ADGRF5: variants seen among roughly 807,000 people sequenced by gnomAD.
ADGRF5 encodes adhesion G protein-coupled receptor F5.
A neutral mutation model predicts 132.3 loss-of-function variants in ADGRF5; 75 were observed. The ratio of observed to expected loss-of-function variants is 0.57; its 90% CI spans 0.47 to 0.69. ADGRF5 has a LOEUF of 0.69. Ranked by LOEUF, ADGRF5 falls within the 30% of genes least tolerant of loss-of-function variation. The pLI, the probability that ADGRF5 is intolerant of heterozygous loss-of-function variation, is 0.00. For missense variants in ADGRF5, 1,516 were observed against 1,630.6 expected (o/e 0.93, Z 1.21); for synonymous variants, 629 against 597.6 (o/e 1.05, Z -0.77).
chr6:46,918,382 G>T (rs1281725536), intron 1 of ADGRF5, among the ~76,000 whole-genome samples: 9 of 152,130 alleles, frequency 5.9e-5, no homozygotes, highest in Non-Finnish European at 7.3e-5. Flanking sequence ...AATGTCAGTG[G>T]GGAAAAGGCT....
At chr6:46,947,574 T>C (rs1778345592) in intron 1 of ADGRF5, among the ~76,000 whole-genome samples, 1 of 152,134 alleles carries the variant, frequency 6.6e-6, no homozygotes, top group Admixed American at 6.5e-5. Context: ...GTGGGCAGGA[T>C]AAAGGGTTAA....
chr6:46,853,984 T>A lies in ADGRF5; in HGVS notation c.*8A>T, dbSNP rs376634437. 7.5e-5 allele frequency: 119 copies of A among 1,592,672 alleles called. No homozygotes were observed. Among genetic ancestry groups the A allele is most frequent in the Admixed American group, 1.0e-4 (6 of 58,836 alleles). ...CCGGGAGGTCACGTAGGTTGGATTA[T>A]CCTGTTCTTAGTTGAGCAACGAAGA... On this transcript the variant is annotated 3_prime_UTR_variant, in exon 21 of 21. Transcript: ENST00000283296.
At chr6:46,899,915 T>G in intron 3 of ADGRF5, 114 bp downstream of exon 3, 2 of 758,946 alleles carry the variant, frequency 2.6e-6, no homozygotes, top group Non-Finnish European at 4.8e-6. Context: ...CTGCACTATA[T>G]GACCCTGATG....
chr6:46,952,710 A>G (rs777409674), intron 1 of ADGRF5, among the ~76,000 whole-genome samples: 14 of 152,244 alleles, frequency 9.2e-5, no homozygotes, highest in Non-Finnish European at 2.1e-4. Context: ...TCATTCATTC[A>G]TTCATTTAAC....
intron 1 of ADGRF5, among the ~76,000 whole-genome samples, chr6:46,940,585 G>T (rs940230527): frequency 6.6e-6 from 1 of 152,172 alleles, no homozygotes; most frequent in African/African-American, 2.4e-5. Flanking sequence ...TAAAGACTCA[G>T]ATTCAGACCA....
Position 46,878,184 on chromosome 6 carries a change from C to T in ADGRF5, c.1240+18G>A. On this transcript the variant is annotated intron_variant, in intron 10 of 20. Coordinates refer to ENST00000283296, the MANE Select transcript of ADGRF5 (RefSeq NM_001098518.2). ...AGGCAAAAACCTATTTGCAAAAGGGCTTATCTAACATTCTCACCTGGAATA... is the reference window on the plus strand; with the variant it reads ...AGGCAAAAACCTATTTGCAAAAGGGTTTATCTAACATTCTCACCTGGAATA... 6.4e-7 allele frequency: 1 copy of T among 1,558,682 alleles called. No homozygotes were observed. Among genetic ancestry groups the T allele is most frequent in the Non-Finnish European group, 8.9e-7 (1 of 1,129,344 alleles).
chr6:46,906,606 A>T, intron 2 of ADGRF5, 55 bp downstream of exon 2: 1 of 926,050 alleles, frequency 1.1e-6, no homozygotes, highest in Non-Finnish European at 1.7e-6. Context: ...ATTGTCAGTC[A>T]GGAAATCAGA....
chr6:46,893,629 C>G (rs1037992261), intron 3 of ADGRF5, among the ~76,000 whole-genome samples: 20 of 152,166 alleles, frequency 1.3e-4, no homozygotes, highest in Non-Finnish European at 2.9e-4. Flanking sequence ...TCCTCAACTT[C>G]TGTGTGTGTG....
intron 1 of ADGRF5, among the ~76,000 whole-genome samples, chr6:46,950,748 C>T (rs908268539): frequency 2.0e-5 from 3 of 152,156 alleles, no homozygotes; most frequent in Non-Finnish European, 2.9e-5. Context: ...CTCTTGACTT[C>T]GTGATCCGCT....
rs369596610 is a variant in ADGRF5 at position 46,882,073 on chromosome 6, T to C, written c.647A>G (p.Lys216Arg). The C allele has an allele frequency of 2.0e-5, 32 of 1,611,448 alleles. No homozygotes were observed. The highest frequency in any genetic ancestry group is 1.6e-4 in the Middle Eastern group (1 of 6,078). ...CTTGAACCCTGTCACAGTCACGCCCTTGAAGCCTGGTAAAATTCCGTAACC... is the reference window on the plus strand; with the variant it reads ...CTTGAACCCTGTCACAGTCACGCCCCTGAAGCCTGGTAAAATTCCGTAACC... Reference protein sequence around the residue: ...RKGYGILPGFKGVTVTGFKSG... With the variant: ...RKGYGILPGFRGVTVTGFKSG... Residue 216 changes from lysine (K) to arginine (R), a missense_variant, in exon 7 of 21, where the codon AAG (lysine) becomes AGG (arginine). Coordinates refer to ENST00000283296, the MANE Select transcript of ADGRF5 (RefSeq NM_001098518.2).
intron 4 of ADGRF5, chr6:46,886,814 C>T (rs558923082): frequency 6.6e-6 from 1 of 152,336 alleles, no homozygotes; most frequent in East Asian, 1.9e-4. Context: ...TAGCTGTTCC[C>T]TGCTGGTCCT....
upstream of ADGRF5, among the ~76,000 whole-genome samples, chr6:46,926,570 G>T (rs549895840): frequency 6.6e-6 from 1 of 152,224 alleles, no homozygotes; most frequent in South Asian, 2.1e-4. Flanking sequence ...TCCTCGGGGA[G>T]CGCTGACCAC....
At chr6:46,916,334 C>T (rs1000960743) in intron 1 of ADGRF5, among the ~76,000 whole-genome samples, 10 of 152,158 alleles carry the variant, frequency 6.6e-5, no homozygotes, top group African/African-American at 2.2e-4. Flanking sequence ...GTCTCCTGTC[C>T]CACTGCTCTC....
intron 1 of ADGRF5, among the ~76,000 whole-genome samples, chr6:46,931,596 G>T (rs1349023428): frequency 6.6e-6 from 1 of 152,148 alleles, no homozygotes; most frequent in Non-Finnish European, 1.5e-5. Flanking sequence ...CCTCCTCTCG[G>T]TCTCCTTAAG....
At chr6:46,871,650 A>G (rs529540818) in intron 11 of ADGRF5, among the ~76,000 whole-genome samples, 193 bp downstream of exon 11, 1 of 152,250 alleles carries the variant, frequency 6.6e-6, no homozygotes, top group African/African-American at 2.4e-5. Flanking sequence ...CCCAATTGTT[A>G]AAAGACTCCC....
At chr6:46,936,386 C>T (rs762805228) in intron 1 of ADGRF5, among the ~76,000 whole-genome samples, 1 of 152,170 alleles carries the variant, frequency 6.6e-6, no homozygotes, top group African/African-American at 2.4e-5. Flanking sequence ...TCTTTTCTTC[C>T]AGATCTGCCT....
In ADGRF5 at chr6:46,888,427, G is replaced by T; in HGVS notation, c.236C>A (p.Pro79His). 6.2e-7 allele frequency: 1 copy of T among 1,610,498 alleles called. No individual in the cohort carries two copies. Among genetic ancestry groups the T allele is most frequent in the Non-Finnish European group, 8.5e-7 (1 of 1,176,682 alleles). ...GAGGCTGTTCAAGTAGGCTTTGATA[G>T]GATCCAGGAAGGATGCATTTTCAAA... is the stretch of plus-strand genomic sequence containing the variant. ...ISFENASFLDPIKAYLNSLSF... is the reference protein window; with the variant it reads ...ISFENASFLDHIKAYLNSLSF... The change falls in exon 4 of 21, where the codon CCT becomes CAT. Residue 79 changes from proline (P) to histidine (H), a missense_variant. Coordinates refer to ENST00000283296, the MANE Select transcript of ADGRF5 (RefSeq NM_001098518.2).
chr6:46,953,650 T>TATA (rs1778588297), intron 1 of ADGRF5, among the ~76,000 whole-genome samples: 2 of 9,428 alleles, frequency 2.1e-4, no homozygotes, highest in Admixed American at 2.2e-3. Flanking sequence ...TAGATATATG[T>TATA]GTATATATAT....
intron 13 of ADGRF5, among the ~76,000 whole-genome samples, chr6:46,866,216 G>A (rs959766289): frequency 6.6e-6 from 1 of 152,146 alleles, no homozygotes; most frequent in African/African-American, 2.4e-5. Flanking sequence ...CTGAGTGATG[G>A]CAGGACAACT....
Sources: allele counts gnomAD v4.1 joint callset (sites outside exome capture counted in the v4.1 genomes callset), GRCh38; gene constraint gnomAD v4.1.1; transcripts MANE v1.5; gene names NCBI Gene and HGNC (gene_info 2026-07-23, HGNC 2026-07-21).